Variants in INSR observed in about 807,000 individuals in gnomAD.
INSR encodes the protein insulin receptor, also known as IR.
A neutral mutation model predicts 142.6 loss-of-function variants in INSR; 67 were observed. That is an observed-to-expected ratio of 0.47 (90% confidence interval 0.39 to 0.58). The LOEUF (loss-of-function observed/expected upper bound fraction) is 0.58. Among genes scored for constraint, INSR ranks in the 20% least tolerant of loss-of-function variants. The pLI is 0.00. For missense variants in INSR, 1,248 were observed against 1,833.2 expected, an observed-to-expected ratio of 0.68 and a Z score of 5.83; for synonymous variants, 756 against 743.1, an observed-to-expected ratio of 1.02 and a Z score of -0.28.
chr19:7,178,032 A>T (rs912875980), intron 3 of INSR, among the ~76,000 whole-genome samples: 3 of 151,970 alleles, frequency 2.0e-5, no homozygotes, highest in African/African-American at 4.8e-5. Flanking sequence ...TACAAGGGTC[A>T]TTTTTTATTG....
chr19:7,236,755 G>A (rs896656309), intron 2 of INSR, among the ~76,000 whole-genome samples: 7 of 152,148 alleles, frequency 4.6e-5, no homozygotes, highest in African/African-American at 1.2e-4. Context: ...GGCCCGGCAC[G>A]GTGGCTCATG....
intron 7 of INSR, among the ~76,000 whole-genome samples, 175 bp downstream of exon 7, chr19:7,167,793 T>C (rs1973921347): frequency 6.6e-6 from 1 of 152,066 alleles, no homozygotes; most frequent in African/African-American, 2.4e-5. Flanking sequence ...GCAGACACTA[T>C]TGACTTTGCA....
chr19:7,240,248 A>G (rs1229617487), intron 2 of INSR, among the ~76,000 whole-genome samples: 1 of 152,232 alleles, frequency 6.6e-6, no homozygotes, highest in African/African-American at 2.4e-5. Context: ...TAAGATGGCA[A>G]ATTTTATGAT....
In INSR at chr19:7,163,925, T is replaced by TAAAAAAAA. The variant is rs748862314; in HGVS notation, c.1862-734_1862-727dup. On this transcript the variant is annotated intron_variant, in intron 8 of 21. Coordinates refer to ENST00000302850, the MANE Select transcript of INSR (RefSeq NM_000208.4). ...CAACATGGTGAAACCCTATCTCTACTAAAAAAAAAAAAAAAAAAAAAAAAT... is the reference window on the plus strand; with the variant it reads ...CAACATGGTGAAACCCTATCTCTACTAAAAAAAAAAAAAAAAAAAAAAAAAAAAAAAAT... 4.5e-3 allele frequency among the ~76,000 whole-genome samples: 202 copies of TAAAAAAAA among 44,582 alleles called. 13 individuals are homozygous for TAAAAAAAA. Among genetic ancestry groups the TAAAAAAAA allele is most frequent in the African/African-American group, 0.018 (157 of 8,626 alleles). 29.2% of individuals were successfully genotyped at this position (44,582 alleles called of 152,430 possible).
intron 2 of INSR, among the ~76,000 whole-genome samples, chr19:7,262,830 T>A (rs1169969106): frequency 1.3e-5 from 2 of 152,152 alleles, no homozygotes; most frequent in African/African-American, 4.8e-5. Context: ...GGATGGTAGG[T>A]GCCAGGGGGC....
intron 14 of INSR, among the ~76,000 whole-genome samples, chr19:7,129,814 C>T (rs955572337): frequency 3.2e-4 from 48 of 151,888 alleles, no homozygotes; most frequent in African/African-American, 1.1e-3. Flanking sequence ...CACAGTTCAC[C>T]GCAACCTCAA....
At chr19:7,144,054 CA>C (rs111357856) in intron 11 of INSR, among the ~76,000 whole-genome samples, 2,614 of 96,246 alleles carry the variant, frequency 0.027, 47 homozygotes, top group East Asian at 0.056. Context: ...GACTCTGTCT[CA>C]AAAAAAAAAA....
intron 2 of INSR, among the ~76,000 whole-genome samples, chr19:7,219,235 T>C (rs1348686158): frequency 1.3e-5 from 2 of 152,058 alleles, no homozygotes; most frequent in East Asian, 1.9e-4. Context: ...AGGGACCAGA[T>C]ATATTACTCT....
intron 2 of INSR, among the ~76,000 whole-genome samples, chr19:7,186,893 T>TG (rs1035317915): frequency 1.3e-5 from 2 of 149,730 alleles, no homozygotes; most frequent in Non-Finnish European, 3.0e-5. Flanking sequence ...TTAGTAGAGA[T>TG]GGGGTTTCAC....
chr19:7,284,473 G>A (rs563267658), intron 1 of INSR, among the ~76,000 whole-genome samples: 1 of 152,220 alleles, frequency 6.6e-6, no homozygotes, highest in Non-Finnish European at 1.5e-5. Flanking sequence ...ATCACCAACT[G>A]AAAGCACAAA....
At chr19:7,244,531 T>A (rs201583781) in intron 2 of INSR, among the ~76,000 whole-genome samples, 1 of 95,678 alleles carries the variant, frequency 1.0e-5, no homozygotes, top group Non-Finnish European at 2.1e-5. Context: ...AGACTCTGTC[T>A]CAAAAAGAAA....
At chr19:7,152,689 T>C in intron 10 of INSR, 37 bp downstream of exon 10, 1 of 1,556,134 alleles carries the variant, frequency 6.4e-7, no homozygotes, top group Non-Finnish European at 8.9e-7. Flanking sequence ...CCAAGCCAAT[T>C]GGCACCCACT....
chr19:7,239,184 A>G (rs1976260664), intron 2 of INSR, among the ~76,000 whole-genome samples: 1 of 152,190 alleles, frequency 6.6e-6, no homozygotes, highest in South Asian at 2.1e-4. Context: ...CACAATTGAA[A>G]TGCTGGGTAA....
At chr19:7,134,096 G>A (rs757206640) in intron 13 of INSR, among the ~76,000 whole-genome samples, 10 of 150,016 alleles carry the variant, frequency 6.7e-5, no homozygotes, top group Non-Finnish European at 1.3e-4. Context: ...GGAGAATGGC[G>A]TGAACCCGGG....
At chr19:7,207,446 A>AAT (rs1420850584) in intron 2 of INSR, among the ~76,000 whole-genome samples, 2 of 152,068 alleles carry the variant, frequency 1.3e-5, no homozygotes, top group East Asian at 3.9e-4. Flanking sequence ...CAAAATAAAA[A>AAT]ATTAAAATGA....
intron 2 of INSR, among the ~76,000 whole-genome samples, chr19:7,190,530 C>G (rs575672389): frequency 6.6e-6 from 1 of 152,092 alleles, no homozygotes; most frequent in African/African-American, 2.4e-5. Context: ...CGTCATCACG[C>G]CCAGCTAATT....
intron 2 of INSR, among the ~76,000 whole-genome samples, chr19:7,232,518 A>G (rs1976011748): frequency 6.6e-6 from 1 of 152,202 alleles, no homozygotes; most frequent in African/African-American, 2.4e-5. Flanking sequence ...TGTATGTTAA[A>G]TATTTCAGTT....
At chr19:7,131,786 G>A (rs1461220857) in intron 14 of INSR, among the ~76,000 whole-genome samples, 16 of 147,770 alleles carry the variant, frequency 1.1e-4, no homozygotes, top group Non-Finnish European at 2.1e-4. Flanking sequence ...ATCACTTGAG[G>A]TCAGGAGTTT....
chr19:7,234,488 G>T (rs1976095953), intron 2 of INSR, among the ~76,000 whole-genome samples: 1 of 152,134 alleles, frequency 6.6e-6, no homozygotes, highest in African/African-American at 2.4e-5. Flanking sequence ...GATTACAAGT[G>T]TGAGCCACAC....
Sources: gnomAD v4.1 joint callset for allele counts (sites outside exome capture counted in the v4.1 genomes callset) on GRCh38, gnomAD v4.1.1 for gene constraint, MANE v1.5 for transcripts, NCBI Gene and HGNC (gene_info 2026-07-23, HGNC 2026-07-21) for gene names.